Variants in TMEM214 observed in about 807,000 individuals in gnomAD.
TMEM214 encodes the protein transmembrane protein 214.
Under a neutral mutation model 89.8 loss-of-function variants are expected in TMEM214, and 71 were observed. The observed-to-expected ratio is 0.79, with a 90% CI of 0.65 to 0.96. The LOEUF (loss-of-function observed/expected upper bound fraction) is 0.96. Among genes scored for constraint, TMEM214 ranks in the 40% least tolerant of loss-of-function variants. The pLI is 0.00. For synonymous variants in TMEM214, 332 were observed against 349.5 expected (o/e 0.95, Z 0.56); for missense variants, 754 against 843.4 (o/e 0.89, Z 1.31).
In TMEM214 at chr2:27,033,110, G is replaced by A. The variant is rs1667404158; in HGVS notation, c.95G>A (p.Gly32Asp). ...VGAGAGGRGG[G>D]RNRRALGEAN... is the part of the protein sequence containing the mutation. ...GCCGGCGCCGGCGGCCGAGGAGGCG[G>A]CAGGAACCGCAGGGCGCTCGGGGAA... The change falls in exon 1 of 17, where the codon GGC (glycine) becomes GAC (aspartate). Residue 32 changes from glycine (G) to aspartate (D), a missense_variant. Coordinates refer to ENST00000238788, the MANE Select transcript of TMEM214 (RefSeq NM_017727.5). 8.0e-7 allele frequency: 1 copy of A among 1,248,610 alleles called. No homozygotes were observed. 77.3% of individuals were successfully genotyped at this position (1,248,610 alleles called of 1,614,324 possible).
At chr2:27,037,435 G>T in intron 8 of TMEM214, 126 bp from the exon 9 acceptor site, 1 of 1,206,020 alleles carries the variant, frequency 8.3e-7, no homozygotes, top group Middle Eastern at 2.0e-4. Flanking sequence ...AAAAGATTCA[G>T]AGCCATTGCA....
At chr2:27,037,466 C>G in intron 8 of TMEM214, 95 bp from the exon 9 acceptor site, 1 of 1,500,072 alleles carries the variant, frequency 6.7e-7, no homozygotes, top group African/African-American at 1.4e-5. Context: ...TGGCTATTCC[C>G]CACAGGCAGG....
intron 15 of TMEM214, 50 bp from the exon 16 acceptor site, chr2:27,040,295 A>G: frequency 1.9e-6 from 3 of 1,611,092 alleles, no homozygotes; most frequent in Non-Finnish European, 2.5e-6. Context: ...CTTTAGGGCC[A>G]GGATGCAGTT....
In TMEM214 at chr2:27,034,076, A is replaced by G; in HGVS notation, c.161A>G (p.Gln54Arg). Residue 54 changes from glutamine to arginine, a missense_variant, in exon 2 of 17, where the codon CAG becomes CGG. By Grantham distance (43) the Gln-to-Arg change is conservative (BLOSUM62 1). Transcript: ENST00000238788. ...VWKYDLTPAI[Q>R]TTSTLYERGF... ...CCTATCTTCACCCCAGCTGCAATCC[A>G]GACCACAAGCACCCTTTATGAGCGG... The G allele has an allele frequency of 6.2e-7, 1 of 1,614,126 alleles. No individual in the cohort carries two copies.
Position 27,041,001 on chromosome 2 carries a change from G to A in TMEM214, c.*164G>A. On this transcript the variant is annotated 3_prime_UTR_variant, in exon 17 of 17. Transcript: ENST00000238788. ...CCTCAGTTCTTCCATCTTTGGTGGGGACAGGGCCCAGCAGCATCTCAGCCT... is the reference window on the plus strand; with the variant it reads ...CCTCAGTTCTTCCATCTTTGGTGGGAACAGGGCCCAGCAGCATCTCAGCCT... 2.5e-6 allele frequency: 2 copies of A among 813,558 alleles called. No individual in the cohort carries two copies. Among genetic ancestry groups the A allele is most frequent in the Non-Finnish European group, 3.8e-6 (2 of 526,236 alleles). The allele number at this position is 813,558 out of a possible 1,614,324, so 50.4% of individuals were successfully genotyped here.
Position 27,038,761 on chromosome 2 carries a change from G to A in TMEM214, c.1353G>A (p.Leu451=), listed in dbSNP as rs2148247334. 6.2e-7 allele frequency: 1 copy of A among 1,614,212 alleles called. No individual in the cohort carries two copies. The highest frequency in any genetic ancestry group is 2.2e-5 in the East Asian group (1 of 44,894). The change falls in exon 12 of 17, where the codon CTG becomes CTA. Residue 451 remains leucine, a synonymous_variant. Coordinates refer to ENST00000238788, the MANE Select transcript of TMEM214 (RefSeq NM_017727.5). This position sits in a 1 kb window ranked among gnomAD's most constrained non-coding sequence, Gnocchi z 4.4. ...TCAAGCTTACCAACCAGGAGCTGCT[G>A]AGGAAGGGTAGCAGTAACAACCAGG... The part of the protein sequence containing the change: ...QSLKLTNQEL[L]RKGSSNNQDV...
intron 12 of TMEM214, 41 bp from the exon 13 acceptor site, chr2:27,039,006 C>A (rs1667697344): frequency 6.3e-7 from 1 of 1,597,872 alleles, no homozygotes. Context: ...AAAGACCAGC[C>A]CCTCGCTTCT....
At position 27,035,962 on chromosome 2, in the gene TMEM214, C is replaced by T. The variant is rs1572787793; in HGVS notation, c.638-8C>T. On this transcript the variant is annotated splice_polypyrimidine_tract_variant and splice_region_variant and intron_variant, in intron 4 of 16. Transcript: ENST00000238788. ...TGTGAGTAGGTGTGAGAATGTGTAT[C>T]TCTCCAGGGGAGTCACTACATGGTT... 3 of 1,613,872 alleles carry T rather than the reference C, an allele frequency of 1.9e-6. No homozygotes were observed. The East Asian group carries it at 6.7e-5, about 36-fold the overall frequency.
chr2:27,035,106 G>A (rs1558395244), intron 2 of TMEM214, 29 bp from the exon 3 acceptor site: 2 of 1,611,746 alleles, frequency 1.2e-6, no homozygotes. Flanking sequence ...ACTCGCCATG[G>A]TGGGGGGTTG....
intron 7 of TMEM214, 21 bp downstream of exon 7, chr2:27,036,807 A>G: frequency 6.2e-7 from 1 of 1,613,242 alleles, no homozygotes; most frequent in South Asian, 1.1e-5. Flanking sequence ...GGAGGGCAGC[A>G]AGGGGAAGGC....
In TMEM214 at chr2:27,037,580, C is replaced by T. The variant is rs1667620595; in HGVS notation, c.1030C>T (p.Gln344Ter). 6.2e-7 allele frequency: 1 copy of T among 1,614,180 alleles called. No homozygotes were observed. The highest frequency in any genetic ancestry group is 1.3e-5 in the African/African-American group (1 of 75,036). ...ACCCAGCCTGCAGGAGCAGCTGTGT[C>T]AGCTCTACCCCCGACTGAAAGTGCT... ...LTPSLQEQLC[Q>*]LYPRLKVLAF... Residue 344 changes from glutamine (Q) to a stop codon, truncating the protein, a stop_gained, in exon 9 of 17, where the codon CAG becomes TAG. Coordinates refer to ENST00000238788, the MANE Select transcript of TMEM214 (RefSeq NM_017727.5). LOFTEE classifies it high-confidence loss of function.
chr2:27,040,036 G>T lies in TMEM214; in HGVS notation c.1629G>T (p.Leu543=). 1 of 1,604,510 alleles carries T rather than the reference G, an allele frequency of 6.2e-7. No individual in the cohort carries two copies. Residue 543 remains leucine (L), a synonymous_variant, in exon 15 of 17, where the codon CTG becomes CTT. Transcript: ENST00000238788. ...YSYSLQGYSW[L]GETLPLWGSH... is the part of the protein sequence containing the mutation. ...CCACTTCCATCTTCCACAGCTGGCT[G>T]GGGGAGACACTGCCGCTCTGGGGCT...
chr2:27,037,107 C>T lies in TMEM214; in HGVS notation c.939C>T (p.Gly313=), dbSNP rs1181043979. The part of the protein sequence containing the change: ...LMHPNLTKGF[G]MIGPKDFFPL... ...ATCCCAACCTTACCAAGGGCTTCGG[C>T]ATGATTGGCCCCAAGGACTTCTTCC... The change falls in exon 8 of 17, where the codon GGC becomes GGT. Residue 313 remains glycine (G), a synonymous_variant. Transcript: ENST00000238788. 6.2e-7 allele frequency: 1 copy of T among 1,614,084 alleles called. No homozygotes were observed. Among genetic ancestry groups the T allele is most frequent in the Non-Finnish European group, 8.5e-7 (1 of 1,180,004 alleles).
chr2:27,037,904 T>A, intron 9 of TMEM214: 1 of 1,551,462 alleles, frequency 6.4e-7, no homozygotes. Flanking sequence ...TCTGGGTGGT[T>A]TCTGATGCCC....
chr2:27,037,023 A>G (rs535188641), intron 7 of TMEM214, 54 bp from the exon 8 acceptor site: 1 of 1,541,088 alleles, frequency 6.5e-7, no homozygotes, highest in African/African-American at 1.4e-5. Flanking sequence ...GTCATGGCCA[A>G]AACAGCTGGC....
Position 27,038,923 on chromosome 2 carries a change from C to G in TMEM214, c.1407+108C>G. ...CCTGCCCCACCTGTCTGGAGCCCCC[C>G]GCTGCCTCCAGGATAATGTGAAGGC... On this transcript the variant is annotated intron_variant, in intron 12 of 16. Coordinates refer to ENST00000238788, the MANE Select transcript of TMEM214 (RefSeq NM_017727.5). The surrounding 1 kb of genome is among the most constrained non-coding windows in gnomAD (Gnocchi z 4.4). The G allele has an allele frequency of 7.1e-7, 1 of 1,411,322 alleles. No individual in the cohort carries two copies. The highest frequency in any genetic ancestry group is 1.0e-6 in the Non-Finnish European group (1 of 1,003,780). The allele number at this position is 1,411,322 out of a possible 1,614,324, so 87.4% of individuals were successfully genotyped here.
rs1667810566 is a variant in TMEM214 at position 27,040,933 on chromosome 2, T to C, written c.*96T>C. The C allele has an allele frequency of 6.6e-7, 1 of 1,512,150 alleles. No homozygotes were observed. 93.7% of individuals were successfully genotyped at this position (1,512,150 alleles called of 1,614,324 possible). A position where few individuals can be genotyped will look rare whatever the true frequency, so the allele number is the denominator to read the frequency against. On this transcript the variant is annotated 3_prime_UTR_variant, in exon 17 of 17. Coordinates refer to ENST00000238788, the MANE Select transcript of TMEM214 (RefSeq NM_017727.5). The stretch of plus-strand genomic sequence containing the variant: ...GTTCTTCATGGGAGTCTTTTTAACT[T>C]GGTGCCTGAGTTCTCTCCTAGGCAA...
chr2:27,041,428 C>G lies in TMEM214; in HGVS notation c.*591C>G, dbSNP rs866722153. The stretch of plus-strand genomic sequence containing the variant: ...ATGCCTCTCACTTCAAAATGCCCAG[C>G]CTGCCCCAAATGCCTCTAAGCCCCT... On this transcript the variant is annotated 3_prime_UTR_variant, in exon 17 of 17. Transcript: ENST00000238788. 6.5e-6 allele frequency: 1 copy of G among 154,868 alleles called. No homozygotes were observed. Among genetic ancestry groups the G allele is most frequent in the Non-Finnish European group, 1.5e-5 (1 of 68,862 alleles). The allele number at this position is 154,868 out of a possible 1,614,324, so 9.6% of individuals were successfully genotyped here. A position where few individuals can be genotyped will look rare whatever the true frequency, so the allele number is the denominator to read the frequency against.
intron 5 of TMEM214, 85 bp from the exon 6 acceptor site, chr2:27,036,402 T>G: frequency 2.6e-6 from 3 of 1,145,724 alleles, no homozygotes; most frequent in South Asian, 1.2e-5. Context: ...CTCTTCCAGT[T>G]GACATCTCCC....
Sources: allele counts gnomAD v4.1 joint callset, GRCh38; gene constraint gnomAD v4.1.1; non-coding constraint Gnocchi (gnomAD v3.1); transcripts MANE v1.5; gene names NCBI Gene and HGNC (gene_info 2026-07-23, HGNC 2026-07-21).